The following CTNNA2 variants were observed in gnomAD, a reference collection of about 807,000 sequenced individuals.
The protein encoded by CTNNA2 is catenin alpha 2, also known as catenin alpha-2.
A neutral mutation model predicts 101.0 loss-of-function variants in CTNNA2; 42 were observed. That is an observed-to-expected ratio of 0.42 (90% CI 0.32 to 0.54). The LOEUF (loss-of-function observed/expected upper bound fraction) is 0.54, where lower values mean the gene tolerates loss of function less well. Ranked by LOEUF, CTNNA2 falls within the 20% of genes least tolerant of loss-of-function variation. The pLI is 0.14. For missense variants in CTNNA2, 871 were observed against 1,223.1 expected (o/e 0.71, Z 4.29); for synonymous variants, 450 against 456.4 (o/e 0.99, Z 0.18).
intron 7 of CTNNA2, among the ~76,000 whole-genome samples, chr2:79,915,296 CACACACACAA>C (rs972509638): frequency 3.5e-4 from 34 of 98,470 alleles, no homozygotes; most frequent in African/African-American, 1.7e-3. Flanking sequence ...TATATTTACA[CACACACACAA>C]ACACACACAC....
chr2:79,741,182 C>A lies in CTNNA2; in HGVS notation c.103-3205C>A, dbSNP rs544946628. On this transcript the variant is annotated intron_variant, in intron 2 of 18. Coordinates refer to ENST00000402739, the MANE Select transcript of CTNNA2 (RefSeq NM_001282597.3). ...TAAAAAGATAGACCCAACTTTTTCACCTACTAATGGAGCTAAACTACTTTT... is the reference window on the plus strand; with the variant it reads ...TAAAAAGATAGACCCAACTTTTTCAACTACTAATGGAGCTAAACTACTTTT... Among the ~76,000 whole-genome samples, 24 of 152,246 alleles carry A rather than the reference C, an allele frequency of 1.6e-4. No individual in the cohort carries two copies. The South Asian group carries it at 5.0e-3, about 32-fold the overall frequency.
chr2:80,408,513 C>T (rs1238678916), intron 8 of CTNNA2, among the ~76,000 whole-genome samples: 1 of 152,152 alleles, frequency 6.6e-6, no homozygotes, highest in Non-Finnish European at 1.5e-5. Context: ...ATATTACAAG[C>T]TTCCTAAAGG....
At chr2:79,470,114 T>G (rs1670981787) in intron 4 of CTNNA2, among the ~76,000 whole-genome samples, 1 of 152,178 alleles carries the variant, frequency 6.6e-6, no homozygotes, top group Non-Finnish European at 1.5e-5. Flanking sequence ...ATGACATGAT[T>G]AAAGAAAGTT....
chr2:79,537,215 C>A (rs546249742), intron 1 of CTNNA2, among the ~76,000 whole-genome samples: 1 of 152,274 alleles, frequency 6.6e-6, no homozygotes, highest in Admixed American at 6.5e-5. Flanking sequence ...ACCAGTCTGC[C>A]TTGTTATGTA....
At chr2:79,695,972 A>T (rs1221297064) in intron 2 of CTNNA2, among the ~76,000 whole-genome samples, 1 of 151,910 alleles carries the variant, frequency 6.6e-6, no homozygotes, top group Non-Finnish European at 1.5e-5. Context: ...ATTTTTTCCC[A>T]TATCATTGCC....
At chr2:79,594,130 C>G (rs1677042082) in intron 1 of CTNNA2, among the ~76,000 whole-genome samples, 1 of 151,990 alleles carries the variant, frequency 6.6e-6, no homozygotes, top group Non-Finnish European at 1.5e-5. Flanking sequence ...CTCAAGTGAT[C>G]CACCACCTCG....
At chr2:80,574,908 C>A (rs1385874038) in intron 13 of CTNNA2, among the ~76,000 whole-genome samples, 1 of 152,098 alleles carries the variant, frequency 6.6e-6, no homozygotes, top group African/African-American at 2.4e-5. Context: ...TATATATTCA[C>A]AGGCCTAGAA....
At chr2:79,940,766 T>C (rs2104455261) in intron 7 of CTNNA2, among the ~76,000 whole-genome samples, 1 of 152,310 alleles carries the variant, frequency 6.6e-6, no homozygotes, top group African/African-American at 2.4e-5. Flanking sequence ...CAGTAGCCTA[T>C]GGGTGGGCAA....
chr2:79,689,261 G>C (rs1317686692), intron 2 of CTNNA2, among the ~76,000 whole-genome samples: 1 of 151,956 alleles, frequency 6.6e-6, no homozygotes, highest in Non-Finnish European at 1.5e-5. Context: ...CATCGACAGA[G>C]TTGTCACAGA....
intron 7 of CTNNA2, among the ~76,000 whole-genome samples, chr2:80,351,165 AAC>A (rs545248984): frequency 1.1e-3 from 170 of 152,268 alleles, no homozygotes; most frequent in African/African-American, 3.9e-3. Context: ...TTAAAAATGA[AAC>A]ACATACACAC....
chr2:80,561,520 C>G (rs1313475314), intron 12 of CTNNA2, among the ~76,000 whole-genome samples: 1 of 152,196 alleles, frequency 6.6e-6, no homozygotes, highest in Non-Finnish European at 1.5e-5. Flanking sequence ...ATGTTCCATT[C>G]CCGCTCTTGG....
At chr2:80,475,091 T>A (rs1464227768) in intron 9 of CTNNA2, among the ~76,000 whole-genome samples, 1 of 152,210 alleles carries the variant, frequency 6.6e-6, no homozygotes, top group Non-Finnish European at 1.5e-5. Context: ...GATGATGCTG[T>A]ACAGTCATCA....
chr2:80,148,351 T>G (rs1466946657), intron 7 of CTNNA2, among the ~76,000 whole-genome samples: 2 of 152,228 alleles, frequency 1.3e-5, no homozygotes, highest in African/African-American at 4.8e-5. Flanking sequence ...AGGAACTGGA[T>G]ATTTACAAGT....
At chr2:80,421,038 G>A (rs750526960) in intron 9 of CTNNA2, among the ~76,000 whole-genome samples, 1 of 151,998 alleles carries the variant, frequency 6.6e-6, no homozygotes, top group Non-Finnish European at 1.5e-5. Context: ...AGCTATTTAG[G>A]GATCCAGAGT....
chr2:79,382,074 G>C (rs968839715), intron 4 of CTNNA2, among the ~76,000 whole-genome samples: 4 of 152,024 alleles, frequency 2.6e-5, no homozygotes, highest in Admixed American at 2.6e-4. Context: ...CTCACTAGTG[G>C]GGGTAGGCAT....
intron 7 of CTNNA2, among the ~76,000 whole-genome samples, chr2:80,209,906 C>T (rs577327739): frequency 8.5e-5 from 13 of 152,198 alleles, no homozygotes; most frequent in Admixed American, 2.6e-4. Flanking sequence ...TATTACATAA[C>T]GTTCAAATAT....
chr2:79,338,090 A>G (rs1316924804), intron 3 of CTNNA2, among the ~76,000 whole-genome samples: 1 of 151,830 alleles, frequency 6.6e-6, no homozygotes, highest in African/African-American at 2.4e-5. Context: ...TACTAAAAAT[A>G]CAAAAAAATT....
intron 1 of CTNNA2, among the ~76,000 whole-genome samples, chr2:79,556,624 C>G (rs1479544197): frequency 1.3e-5 from 2 of 151,978 alleles, no homozygotes; most frequent in Non-Finnish European, 2.9e-5. Flanking sequence ...GCAGCCCATA[C>G]CACACTTAGG....
At chr2:80,068,506 G>A (rs1291776694) in intron 7 of CTNNA2, among the ~76,000 whole-genome samples, 1 of 152,152 alleles carries the variant, frequency 6.6e-6, no homozygotes, top group African/African-American at 2.4e-5. Flanking sequence ...TTTAAATCCT[G>A]TCACGCTTTG....
Sources: allele counts gnomAD v4.1 joint callset (sites outside exome capture counted in the v4.1 genomes callset), GRCh38; gene constraint gnomAD v4.1.1; transcripts MANE v1.5; gene names NCBI Gene and HGNC (gene_info 2026-07-23, HGNC 2026-07-21).